The following CCDC69 variants were observed in gnomAD, a reference collection of about 807,000 sequenced individuals.
CCDC69 encodes coiled-coil domain-containing protein 69.
CCDC69 carries 38 observed loss-of-function variants against 40.3 expected under a neutral mutation model. The ratio of observed to expected loss-of-function variants is 0.94; its 90% confidence interval spans 0.73 to 1.24. The LOEUF (loss-of-function observed/expected upper bound fraction) is 1.24. CCDC69 is among the 50% of genes most tolerant of loss of function. CCDC69 has a pLI of 0.00. For synonymous variants in CCDC69, 141 were observed against 138.9 expected, an observed-to-expected ratio of 1.02 and a Z score of -0.11; for missense variants, 389 against 357.9, an observed-to-expected ratio of 1.09 and a Z score of -0.70.
chr5:151,192,940 C>T (rs923175424), intron 4 of CCDC69, among the ~76,000 whole-genome samples: 1 of 151,904 alleles, frequency 6.6e-6, no homozygotes, highest in Non-Finnish European at 1.5e-5. Flanking sequence ...TAAAAAATAC[C>T]AAACAACAAT....
chr5:151,200,785 A>G (rs1652161806), intron 3 of CCDC69, among the ~76,000 whole-genome samples: 2 of 152,146 alleles, frequency 1.3e-5, no homozygotes, highest in African/African-American at 4.8e-5. Flanking sequence ...ATGTCCCTCA[A>G]TTTTCATTTC....
At chr5:151,198,853 C>T (rs1205779239) in intron 4 of CCDC69, 144 bp downstream of exon 4, 10 of 691,632 alleles carry the variant, frequency 1.4e-5, no homozygotes, top group Non-Finnish European at 2.4e-5. Flanking sequence ...CCTCTAGGGC[C>T]AAGGATCCTG....
intron 7 of CCDC69, chr5:151,185,188 G>C (rs1321437207): frequency 2.2e-6 from 1 of 445,728 alleles, no homozygotes; most frequent in African/African-American, 2.0e-5. Context: ...TGTCACCCAA[G>C]CTACAGCAAC....
intron 4 of CCDC69, among the ~76,000 whole-genome samples, chr5:151,193,375 G>A (rs1752649582): frequency 6.7e-6 from 1 of 149,884 alleles, no homozygotes; most frequent in Non-Finnish European, 1.5e-5. Context: ...AAATTAGCTA[G>A]GCATGGTGAT....
At chr5:151,202,203 A>G (rs3889939) in intron 2 of CCDC69, among the ~76,000 whole-genome samples, 57,535 of 147,588 alleles carry the variant, frequency 0.39, 11,322 homozygotes, top group Admixed American at 0.48. Flanking sequence ...AAAAAAAAAA[A>G]AAAAAAAAAA....
intron 1 of CCDC69, among the ~76,000 whole-genome samples, chr5:151,216,406 A>ATTTTTTTTTTT (rs1262419326): frequency 8.6e-6 from 1 of 116,312 alleles, no homozygotes. Context: ...AATTATTAGG[A>ATTTTTTTTTTT]TTTTTTTTTT....
chr5:151,184,080 T>G (rs557449858), intron 8 of CCDC69, among the ~76,000 whole-genome samples: 1 of 152,168 alleles, frequency 6.6e-6, no homozygotes, highest in Non-Finnish European at 1.5e-5. Flanking sequence ...TCCTGTTTCC[T>G]CCTCCCTATA....
At chr5:151,202,352 T>C (rs1752787573) in intron 2 of CCDC69, among the ~76,000 whole-genome samples, 1 of 152,142 alleles carries the variant, frequency 6.6e-6, no homozygotes, top group Non-Finnish European at 1.5e-5. Context: ...CAGAGCGAGA[T>C]CCTGTCTCTA....
chr5:151,209,039 T>G (rs1752891270), intron 1 of CCDC69, among the ~76,000 whole-genome samples: 1 of 152,178 alleles, frequency 6.6e-6, no homozygotes, highest in Non-Finnish European at 1.5e-5. Context: ...AAATCAGCAT[T>G]AGAACCAGGT....
intron 3 of CCDC69, 27 bp from the exon 4 acceptor site, chr5:151,199,111 CTG>C (rs1241242895): frequency 6.3e-7 from 1 of 1,586,102 alleles, no homozygotes; most frequent in African/African-American, 1.3e-5. Flanking sequence ...CCGGGCAGGA[CTG>C]AGATTGAGCA....
chr5:151,190,721 C>A (rs2113986767), intron 4 of CCDC69, among the ~76,000 whole-genome samples: 1 of 142,894 alleles, frequency 7.0e-6, no homozygotes. Flanking sequence ...TATTGTAATT[C>A]TTAGAGTAAC....
At chr5:151,205,342 T>C (rs896208974) in intron 2 of CCDC69, 58 bp downstream of exon 2, 9 of 1,309,608 alleles carry the variant, frequency 6.9e-6, no homozygotes, top group Admixed American at 5.1e-5. Flanking sequence ...TCTGTGTTGA[T>C]TATAAGGTAG....
intron 4 of CCDC69, among the ~76,000 whole-genome samples, chr5:151,188,693 T>C (rs983618354): frequency 6.6e-6 from 1 of 151,486 alleles, no homozygotes; most frequent in Non-Finnish European, 1.5e-5. Context: ...ATAATATTTA[T>C]AAATATATAA....
At chr5:151,184,502 C>CAA in intron 7 of CCDC69, 61 bp from the exon 8 acceptor site, 1 of 1,023,360 alleles carries the variant, frequency 9.8e-7, no homozygotes, top group Non-Finnish European at 1.5e-6. Context: ...TGTGTGCTGT[C>CAA]ACCTCCCTCT....
Position 151,183,012 on chromosome 5 carries a change from G to T in CCDC69, c.*425C>A, listed in dbSNP as rs532999352. On this transcript the variant is annotated 3_prime_UTR_variant, in exon 9 of 9. Coordinates refer to ENST00000355417, the MANE Select transcript of CCDC69 (RefSeq NM_015621.3). ...AGGGGTAAACTGAGGCTCTGAGCAG[G>T]CCAGGGTGGAGTGGAAACACCTAGA... is the stretch of plus-strand genomic sequence containing the variant. 1.2e-4 allele frequency: 53 copies of T among 460,044 alleles called. 1 individual carries two copies. The highest frequency in any genetic ancestry group is 8.2e-4 in the South Asian group (53 of 64,590). 28.5% of individuals were successfully genotyped at this position (460,044 alleles called of 1,614,324 possible).
intron 7 of CCDC69, 28 bp from the exon 8 acceptor site, chr5:151,184,469 G>T: frequency 6.7e-7 from 1 of 1,481,840 alleles, no homozygotes; most frequent in Non-Finnish European, 9.4e-7. Context: ...AGCTCAGAAA[G>T]CTGCCAAACT....
chr5:151,196,400 A>T (rs887969952), intron 4 of CCDC69, among the ~76,000 whole-genome samples: 1 of 151,724 alleles, frequency 6.6e-6, no homozygotes, highest in African/African-American at 2.4e-5. Context: ...CTTGTGATAC[A>T]CCCGCCTCGG....
intron 2 of CCDC69, among the ~76,000 whole-genome samples, chr5:151,204,723 A>G (rs76545141): frequency 0.05 from 7,638 of 152,260 alleles, 594 homozygotes; most frequent in African/African-American, 0.17. Context: ...TTCAAAGAAA[A>G]GAAAACAAAT....
intron 2 of CCDC69, among the ~76,000 whole-genome samples, chr5:151,203,707 T>A (rs1394567012): frequency 1.5e-5 from 2 of 136,690 alleles, no homozygotes; most frequent in African/African-American, 2.8e-5. Context: ...AGTATATATA[T>A]TATATATACT....
Sources: allele counts gnomAD v4.1 joint callset (sites outside exome capture counted in the v4.1 genomes callset), GRCh38; gene constraint gnomAD v4.1.1; transcripts MANE v1.5; gene names NCBI Gene and HGNC (gene_info 2026-07-23, HGNC 2026-07-21).